Variants in HHAT observed in about 807,000 individuals in gnomAD.
The protein encoded by HHAT is protein-cysteine N-palmitoyltransferase HHAT.
HHAT carries 47 observed loss-of-function variants against 70.8 expected under a neutral mutation model. The ratio of observed to expected loss-of-function variants is 0.66; its 90% CI spans 0.53 to 0.85. HHAT has a LOEUF of 0.85. Ranked by LOEUF, HHAT falls within the 40% of genes least tolerant of loss-of-function variation. The pLI, the probability that HHAT is intolerant of heterozygous loss-of-function variation, is 0.00. For synonymous variants in HHAT, 228 were observed against 247.6 expected (o/e 0.92, Z 0.74); for missense variants, 609 against 604.8 (o/e 1.01, Z -0.07).
At chr1:210,551,309 C>A (rs1045631581) in intron 9 of HHAT, among the ~76,000 whole-genome samples, 2 of 148,924 alleles carry the variant, frequency 1.3e-5, no homozygotes, top group Admixed American at 6.9e-5. Flanking sequence ...GCACCCCCGA[C>A]CCATGGGGAA....
At chr1:210,630,904 G>A (rs1356914279) in intron 11 of HHAT, 1 of 382,148 alleles carries the variant, frequency 2.6e-6, no homozygotes, top group Admixed American at 3.2e-5. Flanking sequence ...GAGGAAGGCA[G>A]AGCTGCAGGA....
chr1:210,553,119 T>G (rs2095541528), intron 9 of HHAT, among the ~76,000 whole-genome samples: 1 of 152,174 alleles, frequency 6.6e-6, no homozygotes, highest in African/African-American at 2.4e-5. Context: ...CAAGGGCCTT[T>G]AAGGGGAGAG....
chr1:210,436,955 T>G (rs1219409734), intron 7 of HHAT, among the ~76,000 whole-genome samples: 3 of 151,876 alleles, frequency 2.0e-5, no homozygotes, highest in Non-Finnish European at 4.4e-5. Flanking sequence ...CTTTGCTGTG[T>G]GGTAAGACCT....
At chr1:210,368,946 C>T (rs1009854220) in intron 3 of HHAT, among the ~76,000 whole-genome samples, 4 of 151,928 alleles carry the variant, frequency 2.6e-5, no homozygotes, top group African/African-American at 4.8e-5. Flanking sequence ...GATGTGGTGG[C>T]GGGTGCCTAT....
At chr1:210,482,021 T>G (rs796607599) in intron 8 of HHAT, among the ~76,000 whole-genome samples, 44 of 151,610 alleles carry the variant, frequency 2.9e-4, no homozygotes, top group African/African-American at 1.0e-3. Flanking sequence ...GGTGGGGGAG[T>G]GGACTTTGTA....
In HHAT at chr1:210,329,030, G is replaced by T; in HGVS notation, c.-118G>T. The T allele has an allele frequency of 2.1e-6, 3 of 1,423,718 alleles. No homozygotes were observed. The highest frequency in any genetic ancestry group is 2.8e-6 in the Non-Finnish European group (3 of 1,090,128). 88.2% of individuals were successfully genotyped at this position (1,423,718 alleles called of 1,614,324 possible). A position where few individuals can be genotyped will look rare whatever the true frequency, so the allele number is the denominator to read the frequency against. On this transcript the variant is annotated 5_prime_UTR_variant, in exon 1 of 12. Coordinates refer to ENST00000261458, the MANE Select transcript of HHAT (RefSeq NM_018194.6). Reference sequence around the variant, plus strand: ...CCGCCGATGTCGCTGGGACTCGGAAGTGCCGAAAGAGGGGTGTTGGGAACT... The same window carrying T: ...CCGCCGATGTCGCTGGGACTCGGAATTGCCGAAAGAGGGGTGTTGGGAACT...
chr1:210,453,676 G>C (rs559739434), intron 7 of HHAT, among the ~76,000 whole-genome samples: 2 of 152,232 alleles, frequency 1.3e-5, no homozygotes, highest in African/African-American at 4.8e-5. Context: ...AAACCAGGTT[G>C]ACATATGGAA....
At chr1:210,544,367 G>GTTTTTT (rs569514246) in intron 9 of HHAT, among the ~76,000 whole-genome samples, 33 of 90,050 alleles carry the variant, frequency 3.7e-4, no homozygotes, top group Non-Finnish European at 4.5e-4. Context: ...TCTTTCTTTC[G>GTTTTTT]TTTTTTTTTT....
intron 8 of HHAT, among the ~76,000 whole-genome samples, chr1:210,507,309 G>A (rs1320171357): frequency 6.6e-6 from 1 of 150,674 alleles, no homozygotes; most frequent in Admixed American, 6.6e-5. Context: ...GCTCCTTAAG[G>A]TGCTTTTTCC....
At chr1:210,331,768 A>G (rs2085009368) in intron 1 of HHAT, among the ~76,000 whole-genome samples, 1 of 152,224 alleles carries the variant, frequency 6.6e-6, no homozygotes. Context: ...TTTTGAGTGC[A>G]GCCACTTATC....
chr1:210,644,101 G>A (rs1468023358), intron 11 of HHAT, among the ~76,000 whole-genome samples: 1 of 152,154 alleles, frequency 6.6e-6, no homozygotes, highest in Admixed American at 6.5e-5. Context: ...TGTTGGAGGA[G>A]AGACTCTGGC....
At chr1:210,374,107 T>A (rs573152280) in intron 3 of HHAT, 2 of 149,506 alleles carry the variant, frequency 1.3e-5, no homozygotes, top group Non-Finnish European at 3.0e-5. Context: ...AGCCTAAAGT[T>A]GCACCATAAT....
Position 210,387,670 on chromosome 1 carries a change from G to C in HHAT, c.273+89G>C, listed in dbSNP as rs2091185533. On this transcript the variant is annotated intron_variant, in intron 4 of 11. Transcript: ENST00000261458. ...TCCAAGCTAGGAATCGGAAGACTTG[G>C]ATATTAGCACTGGGAGCCTGGAAAA... 4.2e-6 allele frequency: 4 copies of C among 953,954 alleles called. No homozygotes were observed. In the East Asian group the frequency reaches 7.8e-5, roughly 19 times the overall value. The allele number at this position is 953,954 out of a possible 1,614,324, so 59.1% of individuals were successfully genotyped here.
intron 3 of HHAT, among the ~76,000 whole-genome samples, chr1:210,373,969 C>T (rs2089839597): frequency 6.6e-6 from 1 of 152,134 alleles, no homozygotes; most frequent in African/African-American, 2.4e-5. Flanking sequence ...AGTCAGATGT[C>T]ACCAGGGAAA....
At chr1:210,503,498 C>T (rs1280504065) in intron 8 of HHAT, among the ~76,000 whole-genome samples, 1 of 152,210 alleles carries the variant, frequency 6.6e-6, no homozygotes, top group Non-Finnish European at 1.5e-5. Flanking sequence ...TTTCTCTCCA[C>T]CAAATCACTG....
intron 7 of HHAT, among the ~76,000 whole-genome samples, chr1:210,418,781 C>T (rs908450076): frequency 6.6e-6 from 1 of 152,146 alleles, no homozygotes; most frequent in Non-Finnish European, 1.5e-5. Flanking sequence ...GCCTGTAATC[C>T]AAGCACTTTG....
chr1:210,465,053 T>C (rs1387113295), intron 8 of HHAT, among the ~76,000 whole-genome samples: 2 of 152,244 alleles, frequency 1.3e-5, no homozygotes, highest in African/African-American at 4.8e-5. Context: ...TAGGCCAGTG[T>C]TGCAGTATAC....
At chr1:210,431,606 C>A (rs2093245599) in intron 7 of HHAT, among the ~76,000 whole-genome samples, 1 of 151,882 alleles carries the variant, frequency 6.6e-6, no homozygotes, top group South Asian at 2.1e-4. Context: ...AGAAATCTCA[C>A]AAGAAGCATC....
chr1:210,604,623 T>C (rs1665007508), intron 10 of HHAT, among the ~76,000 whole-genome samples: 1 of 152,216 alleles, frequency 6.6e-6, no homozygotes, highest in African/African-American at 2.4e-5. Context: ...ACAGTAAATG[T>C]ATACTGTTGT....
Sources: gnomAD v4.1 joint callset for allele counts (sites outside exome capture counted in the v4.1 genomes callset) on GRCh38, gnomAD v4.1.1 for gene constraint, MANE v1.5 for transcripts, NCBI Gene and HGNC (gene_info 2026-07-23, HGNC 2026-07-21) for gene names.